CDIN1: variants seen among roughly 807,000 people sequenced by gnomAD.
CDIN1 encodes the protein CDAN1-interacting nuclease 1.
A neutral mutation model predicts 45.3 loss-of-function variants in CDIN1; 33 were observed. That is an observed-to-expected ratio of 0.73 (90% CI 0.55 to 0.97). CDIN1 has a LOEUF of 0.97. CDIN1 is among the 50% of genes least tolerant of loss of function. The pLI is 0.00. For synonymous variants in CDIN1, 118 were observed against 124.4 expected (o/e 0.95, Z 0.34); for missense variants, 303 against 339.4 (o/e 0.89, Z 0.84).
chr15:36,603,306 A>G (rs1250015463), intron 1 of CDIN1, among the ~76,000 whole-genome samples: 1 of 152,198 alleles, frequency 6.6e-6, no homozygotes, highest in African/African-American at 2.4e-5. Flanking sequence ...GGTTGTTTAT[A>G]AGGCAGGCTT....
intron 10 of CDIN1, among the ~76,000 whole-genome samples, chr15:36,769,830 G>A (rs1451239699): frequency 6.6e-6 from 1 of 152,132 alleles, no homozygotes; most frequent in Non-Finnish European, 1.5e-5. Context: ...GAGCCCTGGG[G>A]GAAGGTGTTT....
chr15:36,579,732 G>A lies in CDIN1; in HGVS notation c.-129G>A. On this transcript the variant is annotated 5_prime_UTR_variant, in exon 1 of 11. Transcript: ENST00000566621. ...TAGGGGTGTGTTTCAGGGGGGATTG[G>A]GGCAAGCCAAGCAGGCGAGGACCCG... 2.9e-6 allele frequency: 2 copies of A among 695,276 alleles called. No individual in the cohort carries two copies. Among genetic ancestry groups the A allele is most frequent in the South Asian group, 3.7e-5 (2 of 53,622 alleles). The allele number at this position is 695,276 out of a possible 1,614,324, so 43.1% of individuals were successfully genotyped here.
intron 5 of CDIN1, among the ~76,000 whole-genome samples, chr15:36,669,776 C>G (rs1399130014): frequency 6.6e-6 from 1 of 151,990 alleles, no homozygotes; most frequent in African/African-American, 2.4e-5. Flanking sequence ...TTGGATGTGT[C>G]TAAGGTTTTT....
intron 5 of CDIN1, among the ~76,000 whole-genome samples, chr15:36,673,420 T>C (rs2041524683): frequency 6.6e-6 from 1 of 152,130 alleles, no homozygotes; most frequent in Non-Finnish European, 1.5e-5. Context: ...AAAAGTACGT[T>C]TTTAATTAAT....
At chr15:36,740,748 G>A (rs956761393) in intron 10 of CDIN1, among the ~76,000 whole-genome samples, 1 of 152,066 alleles carries the variant, frequency 6.6e-6, no homozygotes, top group Non-Finnish European at 1.5e-5. Flanking sequence ...AATCAGCCGG[G>A]CATGGTGGTG....
chr15:36,631,475 A>T (rs1000615283), intron 1 of CDIN1, among the ~76,000 whole-genome samples: 1 of 152,138 alleles, frequency 6.6e-6, no homozygotes, highest in South Asian at 2.1e-4. Context: ...TGATTTTCCT[A>T]TTCTAGACAT....
chr15:36,601,406 C>G (rs1253088671), intron 1 of CDIN1, among the ~76,000 whole-genome samples: 24 of 152,274 alleles, frequency 1.6e-4, no homozygotes, highest in Non-Finnish European at 2.9e-5. Context: ...GTAATACTTA[C>G]CACCCTTGAC....
At chr15:36,649,639 C>T (rs1275770638) in intron 3 of CDIN1, among the ~76,000 whole-genome samples, 3 of 152,202 alleles carry the variant, frequency 2.0e-5, no homozygotes, top group Non-Finnish European at 4.4e-5. Flanking sequence ...AGATGATCCA[C>T]AACCCTGTCA....
At chr15:36,675,907 C>G (rs1566889527) in intron 5 of CDIN1, among the ~76,000 whole-genome samples, 2 of 152,026 alleles carry the variant, frequency 1.3e-5, no homozygotes, top group African/African-American at 4.8e-5. Context: ...TGACCTGTAC[C>G]TCGCCTTCGT....
chr15:36,614,343 G>A, intron 1 of CDIN1: 1 of 540,794 alleles, frequency 1.8e-6, no homozygotes, highest in Non-Finnish European at 3.6e-6. Flanking sequence ...CTTCTCCCCT[G>A]TGGCTTTTTT....
chr15:36,632,333 A>G (rs1351536089), intron 1 of CDIN1, among the ~76,000 whole-genome samples: 2 of 152,140 alleles, frequency 1.3e-5, no homozygotes. Context: ...AAGTTCTCTC[A>G]TCTGACTAAG....
At chr15:36,719,604 T>C (rs1250011712) in intron 10 of CDIN1, among the ~76,000 whole-genome samples, 3 of 152,138 alleles carry the variant, frequency 2.0e-5, no homozygotes, top group Non-Finnish European at 2.9e-5. Context: ...AGTATTTATC[T>C]GGTATTGGTA....
chr15:36,659,966 C>CTTTTTTTTTTTTTTTTTTTTTTTTT (rs778988517), intron 5 of CDIN1, among the ~76,000 whole-genome samples: 1 of 105,148 alleles, frequency 9.5e-6, no homozygotes. Context: ...CCTTCCTTTT[C>CTTTTTTTTTTTTTTTTTTTTTTTTT]TTTTTTTTTT....
chr15:36,710,093 T>G, intron 10 of CDIN1, 132 bp downstream of exon 10: 1 of 547,884 alleles, frequency 1.8e-6, no homozygotes, highest in Admixed American at 3.5e-5. Flanking sequence ...TTGATTAATG[T>G]ATTCATTTCA....
intron 1 of CDIN1, among the ~76,000 whole-genome samples, chr15:36,639,537 G>A (rs1296183537): frequency 3.9e-5 from 6 of 152,224 alleles, no homozygotes; most frequent in South Asian, 2.1e-4. Flanking sequence ...GCAGTGAGCC[G>A]AGACTGCGCC....
intron 10 of CDIN1, among the ~76,000 whole-genome samples, chr15:36,782,590 T>TTG (rs989677390): frequency 6.6e-6 from 1 of 152,138 alleles, no homozygotes; most frequent in Non-Finnish European, 1.5e-5. Context: ...GCAAGCGCAC[T>TTG]TGTGTGTGTG....
At chr15:36,798,657 T>G (rs973577502) in intron 10 of CDIN1, 1 of 152,200 alleles carries the variant, frequency 6.6e-6, no homozygotes, top group African/African-American at 2.4e-5. Context: ...CATAAATCTC[T>G]TTGTTCCTTG....
chr15:36,762,060 C>CTTG (rs575870794), intron 10 of CDIN1, among the ~76,000 whole-genome samples: 33 of 152,196 alleles, frequency 2.2e-4, no homozygotes, highest in African/African-American at 7.9e-4. Context: ...TAGGACCAAC[C>CTTG]TTGGTTTCCT....
At chr15:36,640,142 A>G (rs1027440530) in intron 1 of CDIN1, among the ~76,000 whole-genome samples, 1 of 152,158 alleles carries the variant, frequency 6.6e-6, no homozygotes, top group African/African-American at 2.4e-5. Context: ...AGTTTGTAGT[A>G]GTATTATATC....
Sources: gnomAD v4.1 joint callset for allele counts (sites outside exome capture counted in the v4.1 genomes callset) on GRCh38, gnomAD v4.1.1 for gene constraint, MANE v1.5 for transcripts, NCBI Gene and HGNC (gene_info 2026-07-23, HGNC 2026-07-21) for gene names.